The following HSD17B4 variants were observed in gnomAD, a reference collection of about 807,000 sequenced individuals.
HSD17B4 encodes peroxisomal multifunctional enzyme type 2.
Under a neutral mutation model 101.0 loss-of-function variants are expected in HSD17B4, and 70 were observed. The ratio of observed to expected loss-of-function variants is 0.69; its 90% CI spans 0.57 to 0.85. HSD17B4 has a LOEUF of 0.85. Ranked by LOEUF, HSD17B4 falls within the 40% of genes least tolerant of loss-of-function variation. The probability of loss-of-function intolerance (pLI) is 0.00; values close to 1 mark genes in which losing one functional copy is unlikely to be tolerated. For synonymous variants in HSD17B4, 347 were observed against 297.1 expected (o/e 1.17, Z -1.73); for missense variants, 984 against 892.4 (o/e 1.10, Z -1.31).
chr5:119,470,866 A>G (rs1411888032), intron 2 of HSD17B4, among the ~76,000 whole-genome samples: 1 of 152,216 alleles, frequency 6.6e-6, no homozygotes, highest in Non-Finnish European at 1.5e-5. Flanking sequence ...CGCTCTGGTG[A>G]TAATGGGATT....
At chr5:119,476,463 A>G (rs1254899558) in intron 6 of HSD17B4, 3 of 605,082 alleles carry the variant, frequency 5.0e-6, no homozygotes, top group Non-Finnish European at 6.2e-6. Context: ...TAAAATGAAC[A>G]GTGGTGGCTG....
chr5:119,506,984 T>C (rs1751709843), intron 15 of HSD17B4, 95 bp downstream of exon 15: 1 of 648,806 alleles, frequency 1.5e-6, no homozygotes, highest in Non-Finnish European at 2.7e-6. Flanking sequence ...AATAAGTTAG[T>C]ATTTGTCTTC....
intron 3 of HSD17B4, 133 bp from the exon 4 acceptor site, chr5:119,474,268 A>G (rs769938545): frequency 4.0e-6 from 3 of 746,626 alleles, no homozygotes; most frequent in South Asian, 1.4e-5. Context: ...TTAGTAAATT[A>G]TTGTAGATAT....
chr5:119,457,781 C>T (rs1754821281), intron 2 of HSD17B4, among the ~76,000 whole-genome samples: 2 of 152,102 alleles, frequency 1.3e-5, no homozygotes, highest in African/African-American at 4.8e-5. Context: ...TCTTTTGTAT[C>T]TACTAAAGGA....
At chr5:119,525,607 A>T in intron 18 of HSD17B4, 1 of 517,490 alleles carries the variant, frequency 1.9e-6, no homozygotes, top group South Asian at 2.1e-5. Context: ...GGGAAGGATC[A>T]TGTACCTGTG....
intron 14 of HSD17B4, among the ~76,000 whole-genome samples, chr5:119,503,081 T>C (rs887328794): frequency 4.5e-5 from 5 of 111,706 alleles, no homozygotes; most frequent in African/African-American, 1.4e-4. Flanking sequence ...GGAAATTGTG[T>C]GTGTGTGTGT....
chr5:119,516,685 G>A (rs898335325), intron 17 of HSD17B4, among the ~76,000 whole-genome samples: 3 of 152,072 alleles, frequency 2.0e-5, no homozygotes, highest in African/African-American at 7.2e-5. Context: ...TAAATTTCAG[G>A]GAATTTGTGG....
At chr5:119,482,136 T>C (rs902155336) in intron 8 of HSD17B4, among the ~76,000 whole-genome samples, 6 of 152,188 alleles carry the variant, frequency 3.9e-5, no homozygotes, top group Non-Finnish European at 8.8e-5. Flanking sequence ...TCTCATTGTA[T>C]GCATGTTACA....
rs145010720 is a variant in HSD17B4 at position 119,475,687 on chromosome 5, G to A, written c.281-19G>A. 1.3e-6 allele frequency: 2 copies of A among 1,577,802 alleles called. No individual in the cohort carries two copies. The highest frequency in any genetic ancestry group is 4.5e-5 in the East Asian group (2 of 44,528). ...ATATGCTTGCTTTTAGATGTAACTT[G>A]TATCTTTTTATATTGTAGATGTTGT... On this transcript the variant is annotated intron_variant, in intron 4 of 23. Transcript: ENST00000510025.
Position 119,536,568 on chromosome 5 carries a change from T to C in HSD17B4, c.2121+18T>C. On this transcript the variant is annotated intron_variant, in intron 23 of 23. Transcript: ENST00000510025. ...CTCAGAAGGTAATGTTCTCAAATGT[T>C]CATTTATTCATTGTTTTATTGTTTC... 6.2e-7 allele frequency: 1 copy of C among 1,609,560 alleles called. No individual in the cohort carries two copies. Among genetic ancestry groups the C allele is most frequent in the Non-Finnish European group, 8.5e-7 (1 of 1,176,346 alleles).
intron 14 of HSD17B4, among the ~76,000 whole-genome samples, chr5:119,503,507 ACC>A (rs1561467264): frequency 1.3e-5 from 2 of 152,190 alleles, no homozygotes; most frequent in Non-Finnish European, 2.9e-5. Context: ...GTGGTTTGGA[ACC>A]TTTTAAACTG....
chr5:119,476,767 G>C (rs1158466724), intron 6 of HSD17B4: 1 of 892,272 alleles, frequency 1.1e-6, no homozygotes, highest in Non-Finnish European at 1.3e-6. Context: ...CACTACTCCT[G>C]ACTACCCTTC....
Position 119,531,296 on chromosome 5 carries a change from G to C in HSD17B4, c.1885G>C (p.Glu629Gln), listed in dbSNP as rs1754077269. 1.9e-6 allele frequency: 3 copies of C among 1,613,602 alleles called. No individual in the cohort carries two copies. Among genetic ancestry groups the C allele is most frequent in the Admixed American group, 3.3e-5 (2 of 59,944 alleles). The change falls in exon 22 of 24, where the codon GAG (glutamate) becomes CAG (glutamine). Residue 629 changes from glutamate (E) to glutamine (Q), a missense_variant. Physicochemically the swap from Glu to Gln is conservative, Grantham distance 29 (BLOSUM62 2). Coordinates refer to ENST00000510025, the MANE Select transcript of HSD17B4 (RefSeq NM_000414.4). ...GAAGCTTCAGAGTACCTTTGTATTT[G>C]AGGAAATAGGACGCCGCCTAAAGGA... ...GGKLQSTFVF[E>Q]EIGRRLKDIG... is the part of the protein sequence containing the mutation.
At chr5:119,492,038 A>G in intron 9 of HSD17B4, 62 bp from the exon 10 acceptor site, 1 of 1,369,400 alleles carries the variant, frequency 7.3e-7, no homozygotes, top group Non-Finnish European at 1.0e-6. Flanking sequence ...TTTTCTAATT[A>G]AAACAATTGT....
intron 4 of HSD17B4, among the ~76,000 whole-genome samples, chr5:119,475,414 G>A (rs1409914699): frequency 1.3e-5 from 2 of 152,120 alleles, no homozygotes; most frequent in South Asian, 2.1e-4. Flanking sequence ...GAACCTAAGA[G>A]TTGTAAAATG....
intron 17 of HSD17B4, among the ~76,000 whole-genome samples, chr5:119,518,770 T>A (rs1275679116): frequency 6.6e-6 from 1 of 152,148 alleles, no homozygotes; most frequent in Non-Finnish European, 1.5e-5. Context: ...CAATATATAT[T>A]TTTAACTATA....
At chr5:119,454,175 A>G (rs1377458293) in intron 1 of HSD17B4, among the ~76,000 whole-genome samples, 1 of 152,198 alleles carries the variant, frequency 6.6e-6, no homozygotes. Flanking sequence ...ATTCTGTTTT[A>G]TTTATAAATT....
chr5:119,471,698 C>T (rs1029861879), intron 2 of HSD17B4: 4 of 1,431,294 alleles, frequency 2.8e-6, no homozygotes, highest in Non-Finnish European at 3.8e-6. Context: ...TTCTTTGTTT[C>T]AAGTAATTCT....
intron 2 of HSD17B4, among the ~76,000 whole-genome samples, chr5:119,470,513 AG>A (rs1561436895): frequency 6.6e-6 from 1 of 152,190 alleles, no homozygotes; most frequent in Non-Finnish European, 1.5e-5. Flanking sequence ...TACTGAGCTC[AG>A]GGTCTGTGAT....
Sources: allele counts gnomAD v4.1 joint callset (sites outside exome capture counted in the v4.1 genomes callset), GRCh38; gene constraint gnomAD v4.1.1; transcripts MANE v1.5; gene names NCBI Gene and HGNC (gene_info 2026-07-23, HGNC 2026-07-21).